KDM1A: variants seen among roughly 807,000 people sequenced by gnomAD.
KDM1A encodes lysine-specific histone demethylase 1A.
In KDM1A, 49 loss-of-function variants were observed where a neutral mutation model predicts 109.4. That is an observed-to-expected ratio of 0.45 (90% CI 0.36 to 0.57). The LOEUF (loss-of-function observed/expected upper bound fraction) is 0.57, where lower values mean the gene tolerates loss of function less well. Among genes scored for constraint, KDM1A ranks in the 20% least tolerant of loss-of-function variants. The pLI is 0.00. For missense variants in KDM1A, 668 were observed against 1,116.6 expected (o/e 0.60, Z 5.73); for synonymous variants, 380 against 415.4 (o/e 0.91, Z 1.04).
At chr1:23,032,342 T>G (rs1642009153) in intron 2 of KDM1A, among the ~76,000 whole-genome samples, 1 of 152,068 alleles carries the variant, frequency 6.6e-6, no homozygotes. Flanking sequence ...TGTTGCTGTT[T>G]GCTTTTTTCT....
Position 23,050,472 on chromosome 1 carries a change from T to G in KDM1A, c.663T>G (p.Ser221Arg). Residue 221 changes from serine (S) to arginine (R), a missense_variant, in exon 4 of 21, where the codon AGT becomes AGG. Coordinates refer to ENST00000400181, the MANE Select transcript of KDM1A (RefSeq NM_001009999.3). The part of the protein sequence containing the change: ...QEAACFPDII[S>R]GPQQTQKVFL... Reference sequence around the variant, plus strand: ...CAGCCTGTTTTCCAGATATTATCAGTGGACCACAACAGACCCAGAAGGTTT... The same window carrying G: ...CAGCCTGTTTTCCAGATATTATCAGGGGACCACAACAGACCCAGAAGGTTT... 2 of 1,613,430 alleles carry G rather than the reference T, an allele frequency of 1.2e-6. No individual in the cohort carries two copies. The highest frequency in any genetic ancestry group is 1.7e-6 in the Non-Finnish European group (2 of 1,179,662).
intron 5 of KDM1A, among the ~76,000 whole-genome samples, chr1:23,054,130 A>C (rs1483809850): frequency 1.3e-5 from 2 of 152,102 alleles, no homozygotes; most frequent in African/African-American, 4.8e-5. Flanking sequence ...ATGGCTCACT[A>C]TCTGGTTTTC....
Position 23,059,111 on chromosome 1 carries a change from A to G in KDM1A, c.1111A>G (p.Met371Val). Residue 371 changes from methionine (M) to valine (V), a missense_variant, in exon 9 of 21, where the codon ATG becomes GTG. By Grantham distance (21) the Met-to-Val change is conservative. Coordinates refer to ENST00000400181, the MANE Select transcript of KDM1A (RefSeq NM_001009999.3). Reference sequence around the variant, plus strand: ...GGCTGTGGTCAGCAAACAAGTAAATATGGAACTGGCCAAGATCAAGCAAAA... The same window carrying G: ...GGCTGTGGTCAGCAAACAAGTAAATGTGGAACTGGCCAAGATCAAGCAAAA... ...PMAVVSKQVN[M>V]ELAKIKQKCP... 6.2e-7 allele frequency: 1 copy of G among 1,612,842 alleles called. No individual in the cohort carries two copies. The highest frequency in any genetic ancestry group is 8.5e-7 in the Non-Finnish European group (1 of 1,179,512).
intron 9 of KDM1A, among the ~76,000 whole-genome samples, chr1:23,064,829 T>G (rs1406379550): frequency 6.6e-6 from 1 of 152,234 alleles, no homozygotes; most frequent in Non-Finnish European, 1.5e-5. Flanking sequence ...AGTGAGACTC[T>G]TCAAATCCTG....
Position 23,069,151 on chromosome 1 carries a change from G to A in KDM1A, c.1413G>A (p.Lys471=), listed in dbSNP as rs1643235687. ...AAGAATTGAAAGAACTTCTTAATAA[G>A]GTGAAATTCTGTATTTTCTTCATAG... ...TQEELKELLN[K]MVNLKEKIKE... Residue 471 remains lysine, a splice_region_variant and synonymous_variant, in exon 12 of 21, where the codon AAG becomes AAA. Coordinates refer to ENST00000400181, the MANE Select transcript of KDM1A (RefSeq NM_001009999.3). 1 of 1,562,508 alleles carries A rather than the reference G, an allele frequency of 6.4e-7. No individual in the cohort carries two copies. The highest frequency in any genetic ancestry group is 1.4e-5 in the African/African-American group (1 of 73,354).
intron 7 of KDM1A, 110 bp downstream of exon 7, chr1:23,056,148 G>T: frequency 2.9e-6 from 2 of 696,318 alleles, no homozygotes; most frequent in Non-Finnish European, 4.9e-6. Flanking sequence ...AAATTGATTT[G>T]TATAATACTC....
intron 3 of KDM1A, among the ~76,000 whole-genome samples, chr1:23,047,323 A>G (rs918472443): frequency 1.9e-4 from 29 of 152,124 alleles, no homozygotes; most frequent in African/African-American, 6.8e-4. Flanking sequence ...ATAATTATTG[A>G]GAGTTTTTAG....
chr1:23,024,262 GTGTT>G (rs954591413), intron 1 of KDM1A, among the ~76,000 whole-genome samples: 1 of 152,102 alleles, frequency 6.6e-6, no homozygotes, highest in Non-Finnish European at 1.5e-5. Flanking sequence ...AATTAGTTAT[GTGTT>G]TGTTTGGGGC....
At chr1:23,044,581 T>C (rs555505966) in intron 3 of KDM1A, 95 bp downstream of exon 3, 3 of 1,038,976 alleles carry the variant, frequency 2.9e-6, no homozygotes, top group African/African-American at 3.2e-5. Flanking sequence ...ATCCACATTT[T>C]AGCCAGAAGC....
chr1:23,079,058 C>T lies in KDM1A; in HGVS notation c.1936C>T (p.Leu646Phe). Residue 646 changes from leucine (L) to phenylalanine (F), a missense_variant, in exon 17 of 21, where the codon CTC (leucine) becomes TTC (phenylalanine). This residue lies in a region of KDM1A where 162 missense variants were observed against 376.4 expected (regional missense o/e 0.43). Transcript: ENST00000400181. The surrounding 1 kb of genome is among the most constrained non-coding windows in gnomAD (Gnocchi z 5.6). Reference protein sequence around the residue: ...QTFIYKCDAVLCTLPLGVLKQ... With the variant: ...QTFIYKCDAVFCTLPLGVLKQ... ...CTTTATTTATAAATGCGACGCAGTTCTCTGTACCCTTCCCCTGGGTGTGCT... is the reference window on the plus strand; with the variant it reads ...CTTTATTTATAAATGCGACGCAGTTTTCTGTACCCTTCCCCTGGGTGTGCT... 1.2e-6 allele frequency: 2 copies of T among 1,614,174 alleles called. No individual in the cohort carries two copies. The highest frequency in any genetic ancestry group is 1.7e-6 in the Non-Finnish European group (2 of 1,180,016).
intron 13 of KDM1A, 37 bp from the exon 14 acceptor site, chr1:23,072,087 C>T (rs1643337361): frequency 1.5e-6 from 2 of 1,305,538 alleles, no homozygotes; most frequent in Non-Finnish European, 1.1e-6. Context: ...GATATCTGAC[C>T]CTTCAGGGTA....
At chr1:23,077,479 A>C (rs1643500194) in intron 16 of KDM1A, 119 bp downstream of exon 16, 9 of 1,075,338 alleles carry the variant, frequency 8.4e-6, no homozygotes, top group Non-Finnish European at 1.2e-5. Context: ...CATAGGTAAA[A>C]ATTGGCATTT....
intron 9 of KDM1A, among the ~76,000 whole-genome samples, chr1:23,062,027 A>G (rs1643015848): frequency 1.3e-5 from 2 of 152,298 alleles, no homozygotes; most frequent in South Asian, 4.1e-4. Flanking sequence ...TTATAATTAC[A>G]AATACATTTG....
intron 2 of KDM1A, among the ~76,000 whole-genome samples, chr1:23,033,004 T>G (rs1487519960): frequency 6.6e-6 from 1 of 152,130 alleles, no homozygotes; most frequent in Non-Finnish European, 1.5e-5. Flanking sequence ...GGTTAAGCAA[T>G]TCTCCTGCCT....
intron 2 of KDM1A, among the ~76,000 whole-genome samples, chr1:23,043,865 GTTC>G (rs1024704181): frequency 1.3e-5 from 2 of 152,176 alleles, no homozygotes; most frequent in African/African-American, 4.8e-5. Flanking sequence ...CTTATTGTGT[GTTC>G]TTTAGTTTTA....
chr1:23,030,217 G>C (rs964678571), intron 1 of KDM1A, among the ~76,000 whole-genome samples: 4 of 152,332 alleles, frequency 2.6e-5, no homozygotes, highest in African/African-American at 9.6e-5. Flanking sequence ...GAGAGCCTTA[G>C]AGTCAATGAT....
intron 1 of KDM1A, among the ~76,000 whole-genome samples, chr1:23,026,357 G>GT (rs1238665003): frequency 1.3e-4 from 19 of 147,584 alleles, no homozygotes; most frequent in Non-Finnish European, 2.1e-4. Flanking sequence ...AAAAAGTTTT[G>GT]TTTTTTTGTG....
At chr1:23,033,715 G>T (rs12120273) in intron 2 of KDM1A, among the ~76,000 whole-genome samples, 78 of 152,286 alleles carry the variant, frequency 5.1e-4, no homozygotes, top group Admixed American at 7.8e-4. Context: ...ACTGAATAAG[G>T]TTCCTCTGGG....
intron 12 of KDM1A, among the ~76,000 whole-genome samples, chr1:23,070,335 GT>G (rs1266256367): frequency 1.3e-5 from 2 of 152,156 alleles, no homozygotes; most frequent in Non-Finnish European, 2.9e-5. Context: ...GCTGGGCATG[GT>G]AGCACACACC....
Sources: allele counts gnomAD v4.1 joint callset (sites outside exome capture counted in the v4.1 genomes callset), GRCh38; gene constraint gnomAD v4.1.1; regional missense constraint gnomAD v4.1.1; non-coding constraint Gnocchi (gnomAD v3.1); transcripts MANE v1.5; gene names NCBI Gene and HGNC (gene_info 2026-07-23, HGNC 2026-07-21).